The following BCO1 variants were observed in gnomAD, a reference collection of about 807,000 sequenced individuals.
BCO1 encodes the protein beta-carotene oxygenase 1.
In BCO1, 54 loss-of-function variants were observed where a neutral mutation model predicts 56.3. The observed-to-expected ratio is 0.96, with a 90% CI of 0.77 to 1.20. The LOEUF (loss-of-function observed/expected upper bound fraction) is 1.20, where lower values mean the gene tolerates loss of function less well. Ranked by LOEUF, BCO1 falls within the 50% of genes most tolerant of loss-of-function variation. The pLI is 0.00. For synonymous variants in BCO1, 318 were observed against 266.1 expected, an observed-to-expected ratio of 1.20 and a Z score of -1.90; for missense variants, 801 against 690.9, an observed-to-expected ratio of 1.16 and a Z score of -1.79.
intron 4 of BCO1, 164 bp downstream of exon 4, chr16:81,262,447 G>T: frequency 1.4e-6 from 1 of 726,472 alleles, no homozygotes. Flanking sequence ...CTAGATGCTA[G>T]GCAGGGACTG....
At chr16:81,274,507 G>A (rs920386281) in intron 7 of BCO1, among the ~76,000 whole-genome samples, 5 of 152,064 alleles carry the variant, frequency 3.3e-5, no homozygotes, top group Admixed American at 6.6e-5. Context: ...CTCGTGATCC[G>A]CCTGCCTCAG....
intron 2 of BCO1, among the ~76,000 whole-genome samples, chr16:81,259,021 G>C (rs371667394): frequency 6.6e-6 from 1 of 152,184 alleles, no homozygotes; most frequent in African/African-American, 2.4e-5. Context: ...CTCATCACCA[G>C]AACAACACTA....
At chr16:81,278,485 A>C (rs1446858828) in intron 7 of BCO1, among the ~76,000 whole-genome samples, 1 of 152,106 alleles carries the variant, frequency 6.6e-6, no homozygotes. Flanking sequence ...TTGTGCATTC[A>C]CTCATTAATT....
intron 8 of BCO1, among the ~76,000 whole-genome samples, chr16:81,282,367 A>G (rs1466323430): frequency 6.6e-6 from 1 of 152,124 alleles, no homozygotes; most frequent in Non-Finnish European, 1.5e-5. Flanking sequence ...GGCAACAGAG[A>G]CTTTGCCTCA....
intron 1 of BCO1, among the ~76,000 whole-genome samples, chr16:81,244,743 T>G (rs891427705): frequency 1.3e-5 from 2 of 150,936 alleles, no homozygotes; most frequent in African/African-American, 4.9e-5. Context: ...TTTTAATTTT[T>G]TGAGACAAGG....
chr16:81,262,230 G>C lies in BCO1; in HGVS notation c.418G>C (p.Glu140Gln). 1.2e-6 allele frequency: 2 copies of C among 1,613,922 alleles called. No individual in the cohort carries two copies. The highest frequency in any genetic ancestry group is 1.7e-6 in the Non-Finnish European group (2 of 1,179,872). The change falls in exon 4 of 11, where the codon GAG becomes CAG. Residue 140 changes from glutamate to glutamine, a missense_variant. Coordinates refer to ENST00000258168, the MANE Select transcript of BCO1 (RefSeq NM_017429.3). Reference protein sequence around the residue: ...KCGEDFYATSETNYIRKINPQ... With the variant: ...KCGEDFYATSQTNYIRKINPQ... ...CGGAGAAGACTTCTACGCGACCTCA[G>C]AGACCAATTACATCAGGAAAATCAA...
intron 7 of BCO1, among the ~76,000 whole-genome samples, chr16:81,270,818 C>T (rs553662563): frequency 6.4e-4 from 97 of 151,860 alleles, no homozygotes; most frequent in African/African-American, 2.3e-3. Context: ...GATCTCTGCT[C>T]GCTGCAAGCT....
intron 3 of BCO1, among the ~76,000 whole-genome samples, chr16:81,260,551 C>A (rs79767888): frequency 2.0e-3 from 307 of 152,038 alleles, no homozygotes; most frequent in African/African-American, 7.3e-3. Flanking sequence ...TCTTCTTGTC[C>A]AAGCTGGAGT....
At chr16:81,289,925 C>G (rs971198800) in intron 10 of BCO1, among the ~76,000 whole-genome samples, 1 of 152,192 alleles carries the variant, frequency 6.6e-6, no homozygotes, top group Non-Finnish European at 1.5e-5. Flanking sequence ...AATGCAATGG[C>G]ACGATCTCGG....
At chr16:81,248,335 A>G (rs563604889) in intron 2 of BCO1, among the ~76,000 whole-genome samples, 30 of 147,940 alleles carry the variant, frequency 2.0e-4, no homozygotes, top group African/African-American at 6.5e-4. Context: ...CTCGGGAGGC[A>G]GCGGTTGCAG....
chr16:81,252,047 G>A (rs1567700756), intron 2 of BCO1, among the ~76,000 whole-genome samples: 1 of 151,964 alleles, frequency 6.6e-6, no homozygotes, highest in African/African-American at 2.4e-5. Flanking sequence ...AATGCATGGA[G>A]GCTCCTTCTG....
intron 1 of BCO1, among the ~76,000 whole-genome samples, chr16:81,241,601 C>G (rs1471783429): frequency 6.6e-6 from 1 of 152,178 alleles, no homozygotes; most frequent in Non-Finnish European, 1.5e-5. Context: ...GCTCAGCAAG[C>G]TGTGTGTTCA....
chr16:81,260,549 T>C (rs1906420516), intron 3 of BCO1, among the ~76,000 whole-genome samples: 1 of 152,140 alleles, frequency 6.6e-6, no homozygotes, highest in Non-Finnish European at 1.5e-5. Context: ...ACTCTTCTTG[T>C]CCAAGCTGGA....
intron 2 of BCO1, among the ~76,000 whole-genome samples, chr16:81,249,127 G>A (rs960368027): frequency 4.3e-5 from 6 of 139,242 alleles, no homozygotes; most frequent in Admixed American, 1.6e-4. Context: ...GTCTCACTCC[G>A]TTACCCAGGT....
intron 6 of BCO1, among the ~76,000 whole-genome samples, chr16:81,269,866 G>A (rs890338257): frequency 5.3e-5 from 8 of 152,196 alleles, no homozygotes; most frequent in African/African-American, 9.6e-5. Context: ...CAAGGGGACC[G>A]TGCACACTGG....
intron 10 of BCO1, among the ~76,000 whole-genome samples, chr16:81,289,801 C>A (rs1230069359): frequency 6.6e-6 from 1 of 152,150 alleles, no homozygotes; most frequent in African/African-American, 2.4e-5. Context: ...GACTGAGGCT[C>A]CGAGAGGTCA....
At chr16:81,285,496 C>A in intron 8 of BCO1, 44 bp from the exon 9 acceptor site, 1 of 1,402,766 alleles carries the variant, frequency 7.1e-7, no homozygotes, top group Non-Finnish European at 1.0e-6. Flanking sequence ...ATGCTCCCAG[C>A]CCCCAATGAT....
intron 6 of BCO1, 61 bp from the exon 7 acceptor site, chr16:81,270,098 G>A: frequency 6.2e-7 from 1 of 1,608,488 alleles, no homozygotes. Context: ...TCAGCCCCCA[G>A]ATGCCACAGT....
In BCO1 at chr16:81,270,228, G is replaced by A; in HGVS notation, c.913G>A (p.Val305Met). Reference protein sequence around the residue: ...VQTKFYTDAMVVFHHVNAYEE... With the variant: ...VQTKFYTDAMMVFHHVNAYEE... ...GACCAAGTTTTACACAGACGCCATG[G>A]TGGTCTTCCATCACGTCAACGCCTA... Residue 305 changes from valine (V) to methionine (M), a missense_variant, in exon 7 of 11, where the codon GTG becomes ATG. Val to Met is a conservative substitution (Grantham distance 21, BLOSUM62 1). Coordinates refer to ENST00000258168, the MANE Select transcript of BCO1 (RefSeq NM_017429.3). The A allele has an allele frequency of 6.2e-7, 1 of 1,614,214 alleles. No homozygotes were observed. Among genetic ancestry groups the A allele is most frequent in the Non-Finnish European group, 8.5e-7 (1 of 1,180,040 alleles).
Sources: gnomAD v4.1 joint callset for allele counts (sites outside exome capture counted in the v4.1 genomes callset) on GRCh38, gnomAD v4.1.1 for gene constraint, MANE v1.5 for transcripts, NCBI Gene and HGNC (gene_info 2026-07-23, HGNC 2026-07-21) for gene names.